Variants in CCSER1 observed in about 807,000 individuals in gnomAD.
CCSER1 encodes the protein serine-rich coiled-coil domain-containing protein 1.
A neutral mutation model predicts 82.0 loss-of-function variants in CCSER1; 41 were observed. That is an observed-to-expected ratio of 0.50 (90% CI 0.39 to 0.65). The LOEUF (loss-of-function observed/expected upper bound fraction) is 0.65, where lower values mean the gene tolerates loss of function less well. Ranked by LOEUF, CCSER1 falls within the 30% of genes least tolerant of loss-of-function variation. The probability of loss-of-function intolerance (pLI) is 0.00; values close to 1 mark genes in which losing one functional copy is unlikely to be tolerated. For missense variants in CCSER1, 1,119 were observed against 1,064.2 expected (o/e 1.05, Z -0.72); for synonymous variants, 414 against 383.9 (o/e 1.08, Z -0.92).
intron 5 of CCSER1, among the ~76,000 whole-genome samples, chr4:90,538,985 T>G (rs1190188817): frequency 6.6e-6 from 1 of 152,098 alleles, no homozygotes; most frequent in Non-Finnish European, 1.5e-5. Context: ...GACAAATAAT[T>G]TCTTTGTATG....
At chr4:91,218,209 C>T (rs537409356) in intron 10 of CCSER1, among the ~76,000 whole-genome samples, 42 of 152,332 alleles carry the variant, frequency 2.8e-4, no homozygotes, top group African/African-American at 4.3e-4. Flanking sequence ...GCCACTGGCC[C>T]GGGTGCTAAG....
At chr4:90,467,428 G>A (rs1461927535) in intron 4 of CCSER1, among the ~76,000 whole-genome samples, 2 of 151,972 alleles carry the variant, frequency 1.3e-5, no homozygotes, top group Non-Finnish European at 2.9e-5. Flanking sequence ...GCTCATGCCT[G>A]TAATCCCAGC....
intron 10 of CCSER1, among the ~76,000 whole-genome samples, chr4:91,140,042 C>G (rs979597382): frequency 1.3e-5 from 2 of 151,926 alleles, no homozygotes; most frequent in African/African-American, 4.8e-5. Context: ...TATAGATGCA[C>G]AGAAATAATG....
intron 9 of CCSER1, among the ~76,000 whole-genome samples, chr4:90,932,586 TG>T (rs1271300417): frequency 2.0e-5 from 3 of 151,918 alleles, no homozygotes; most frequent in Non-Finnish European, 2.9e-5. Flanking sequence ...TGCAGCACTT[TG>T]GTGGCCCAGG....
chr4:91,480,658 C>T (rs1259669919), intron 10 of CCSER1, among the ~76,000 whole-genome samples: 6 of 152,136 alleles, frequency 3.9e-5, no homozygotes, highest in Admixed American at 1.3e-4. Context: ...AAAGTATAAC[C>T]GAGTAGCAGA....
chr4:91,220,739 A>G (rs1737662434), intron 10 of CCSER1, among the ~76,000 whole-genome samples: 1 of 152,154 alleles, frequency 6.6e-6, no homozygotes, highest in Non-Finnish European at 1.5e-5. Flanking sequence ...CCAAAAGAGT[A>G]GGTTTTAGGT....
At chr4:90,451,489 T>TA (rs1363574412) in intron 4 of CCSER1, among the ~76,000 whole-genome samples, 9 of 152,310 alleles carry the variant, frequency 5.9e-5, no homozygotes, top group African/African-American at 2.2e-4. Flanking sequence ...AGCAGATTCT[T>TA]ACCTGAGAAC....
At chr4:90,746,081 T>G (rs1426596423) in intron 7 of CCSER1, among the ~76,000 whole-genome samples, 1 of 152,278 alleles carries the variant, frequency 6.6e-6, no homozygotes, top group South Asian at 2.1e-4. Context: ...CAATGCCATC[T>G]CCTCTACAAG....
chr4:91,119,064 G>A (rs1726868627), intron 10 of CCSER1, among the ~76,000 whole-genome samples: 1 of 152,118 alleles, frequency 6.6e-6, no homozygotes, highest in South Asian at 2.1e-4. Context: ...CTGCAGTTTT[G>A]ATATTCATGT....
intron 8 of CCSER1, among the ~76,000 whole-genome samples, chr4:90,874,219 T>C (rs1561285894): frequency 6.6e-6 from 1 of 152,166 alleles, no homozygotes; most frequent in African/African-American, 2.4e-5. Context: ...AGGTAATATC[T>C]TAAAAGTTAC....
intron 3 of CCSER1, among the ~76,000 whole-genome samples, chr4:90,391,543 T>C (rs1237082990): frequency 8.1e-6 from 1 of 123,864 alleles, no homozygotes; most frequent in Non-Finnish European, 1.6e-5. Flanking sequence ...TGTGTACTCA[T>C]AAAATTAAAA....
chr4:91,458,804 G>T (rs1159104223), intron 10 of CCSER1, among the ~76,000 whole-genome samples: 1 of 152,010 alleles, frequency 6.6e-6, no homozygotes, highest in Non-Finnish European at 1.5e-5. Context: ...GTTGTTCACT[G>T]TTAACATATA....
At chr4:90,903,372 C>T (rs1198750020) in intron 8 of CCSER1, among the ~76,000 whole-genome samples, 1 of 152,016 alleles carries the variant, frequency 6.6e-6, no homozygotes, top group Non-Finnish European at 1.5e-5. Flanking sequence ...TAAGGAGTGC[C>T]TTTCACCTCC....
chr4:91,207,380 T>C (rs375204554), intron 10 of CCSER1, among the ~76,000 whole-genome samples: 188 of 151,568 alleles, frequency 1.2e-3, no homozygotes, highest in African/African-American at 4.4e-3. Context: ...TCCATCCTCC[T>C]AACTTCCTCT....
chr4:91,435,898 T>C (rs1754620185), intron 10 of CCSER1, among the ~76,000 whole-genome samples: 1 of 152,208 alleles, frequency 6.6e-6, no homozygotes, highest in African/African-American at 2.4e-5. Flanking sequence ...ACTGTGCTTA[T>C]GTGATTACAA....
At chr4:90,556,019 T>C (rs1778084752) in intron 5 of CCSER1, among the ~76,000 whole-genome samples, 1 of 152,110 alleles carries the variant, frequency 6.6e-6, no homozygotes, top group African/African-American at 2.4e-5. Flanking sequence ...CAGTTAAATA[T>C]AAATAAGGTA....
intron 4 of CCSER1, among the ~76,000 whole-genome samples, chr4:90,410,739 T>C (rs989047625): frequency 2.8e-4 from 43 of 151,976 alleles, no homozygotes; most frequent in Non-Finnish European, 7.4e-5. Context: ...GCAAACACAT[T>C]CAACAGCTAG....
At chr4:90,482,968 G>T (rs1252031868) in intron 5 of CCSER1, among the ~76,000 whole-genome samples, 3 of 152,120 alleles carry the variant, frequency 2.0e-5, no homozygotes, top group Admixed American at 6.5e-5. Context: ...TGTTGACAGT[G>T]GGGTGTTAAA....
At chr4:91,534,935 C>G (rs191747783) in intron 10 of CCSER1, among the ~76,000 whole-genome samples, 73 of 151,876 alleles carry the variant, frequency 4.8e-4, no homozygotes, top group Admixed American at 4.0e-3. Flanking sequence ...TAGATCAATA[C>G]TATTATCTTA....
Sources: gnomAD v4.1 joint callset for allele counts (sites outside exome capture counted in the v4.1 genomes callset) on GRCh38, gnomAD v4.1.1 for gene constraint, MANE v1.5 for transcripts, NCBI Gene and HGNC (gene_info 2026-07-23, HGNC 2026-07-21) for gene names.